The following SYT14 variants were observed in gnomAD, a reference collection of about 807,000 sequenced individuals.
SYT14 encodes the protein synaptotagmin 14.
SYT14 carries 32 observed loss-of-function variants against 74.2 expected under a neutral mutation model. The ratio of observed to expected loss-of-function variants is 0.43; its 90% confidence interval spans 0.33 to 0.58. The LOEUF is 0.58. Ranked by LOEUF, SYT14 falls within the 20% of genes least tolerant of loss-of-function variation. The probability of loss-of-function intolerance (pLI) is 0.05; values close to 1 mark genes in which losing one functional copy is unlikely to be tolerated. For missense variants in SYT14, 791 were observed against 981.8 expected (o/e 0.81, Z 2.60); for synonymous variants, 298 against 337.7 (o/e 0.88, Z 1.29).
At chr1:209,954,708 C>CTT (rs775517244) in intron 2 of SYT14, among the ~76,000 whole-genome samples, 3 of 143,082 alleles carry the variant, frequency 2.1e-5, no homozygotes, top group African/African-American at 7.7e-5. Context: ...TTCTTTCTCT[C>CTT]TTTTTTTTTT....
chr1:210,084,719 G>A (rs2081686791), intron 5 of SYT14, among the ~76,000 whole-genome samples: 2 of 152,200 alleles, frequency 1.3e-5, no homozygotes, highest in Admixed American at 6.5e-5. Flanking sequence ...AAGGAAAAGA[G>A]CATTCGTAGG....
chr1:209,972,737 G>C lies in SYT14; in HGVS notation c.-486+19981G>C, dbSNP rs570491397. 2.0e-5 allele frequency among the ~76,000 whole-genome samples: 3 copies of C among 152,098 alleles called. No homozygotes were observed. The East Asian group carries it at 5.8e-4, about 29-fold the overall frequency. ...TGGTTGGAATGATTTCAGTTTTTTT[G>C]AATTTATTGAGACTTGACTTATGGC... is the stretch of plus-strand genomic sequence containing the variant. On this transcript the variant is annotated intron_variant, in intron 2 of 9. Coordinates refer to ENST00000637265, the Ensembl canonical transcript of SYT14.
chr1:209,940,375 T>A (rs1306940975), intron 1 of SYT14, among the ~76,000 whole-genome samples: 1 of 152,122 alleles, frequency 6.6e-6, no homozygotes, highest in Non-Finnish European at 1.5e-5. Context: ...ACCTTTTTTT[T>A]TTTTGTACAA....
At chr1:210,102,757 T>C (rs1418443181) in intron 7 of SYT14, among the ~76,000 whole-genome samples, 2 of 152,088 alleles carry the variant, frequency 1.3e-5, no homozygotes, top group African/African-American at 4.8e-5. Flanking sequence ...TCATGGCTGA[T>C]TGTAGCCTGA....
intron 4 of SYT14, among the ~76,000 whole-genome samples, chr1:210,019,841 C>T (rs1169533893): frequency 6.6e-6 from 1 of 152,138 alleles, no homozygotes; most frequent in Non-Finnish European, 1.5e-5. Context: ...TTTAATAATT[C>T]TAAGAAAGTT....
intron 2 of SYT14, among the ~76,000 whole-genome samples, chr1:210,005,685 T>G (rs1376964459): frequency 6.6e-6 from 1 of 151,904 alleles, no homozygotes; most frequent in Non-Finnish European, 1.5e-5. Flanking sequence ...GTCTAAAACT[T>G]CATTAGAATC....
chr1:210,110,636 A>G (rs185803609), intron 7 of SYT14, among the ~76,000 whole-genome samples: 152 of 152,386 alleles, frequency 1.0e-3, no homozygotes, highest in Admixed American at 8.7e-3. Flanking sequence ...CCAAGGAGAC[A>G]TAGTAAAGGA....
chr1:209,975,934 G>A (rs192229075), intron 2 of SYT14, among the ~76,000 whole-genome samples: 11 of 152,256 alleles, frequency 7.2e-5, no homozygotes, highest in South Asian at 4.2e-4. Flanking sequence ...AGTCTTGGGA[G>A]GGTGTATGTG....
At chr1:209,969,409 T>C (rs112643455) in intron 2 of SYT14, among the ~76,000 whole-genome samples, 50 of 152,168 alleles carry the variant, frequency 3.3e-4, no homozygotes, top group African/African-American at 1.2e-3. Context: ...CAGCATCTGC[T>C]AATTTGTTTT....
chr1:209,996,667 C>A (rs144958176), intron 2 of SYT14, among the ~76,000 whole-genome samples: 27 of 152,134 alleles, frequency 1.8e-4, no homozygotes, highest in East Asian at 7.7e-4. Context: ...AAGAAAACTT[C>A]AGGCCAGTAT....
chr1:210,079,489 T>C (rs1420654205), intron 5 of SYT14, among the ~76,000 whole-genome samples: 1 of 152,144 alleles, frequency 6.6e-6, no homozygotes, highest in Non-Finnish European at 1.5e-5. Flanking sequence ...AGTGAAGATA[T>C]TTTTGCCATC....
At chr1:210,027,278 A>G (rs745964110) in intron 5 of SYT14, among the ~76,000 whole-genome samples, 4 of 152,160 alleles carry the variant, frequency 2.6e-5, no homozygotes, top group Middle Eastern at 3.4e-3. Context: ...AGCCGAGCCT[A>G]GTGGCCCATG....
At chr1:210,162,408 C>G (rs971161855) in exon 10 of SYT14, 1 of 397,900 alleles carries the variant, frequency 2.5e-6, no homozygotes, top group African/African-American at 2.1e-5. Flanking sequence ...AAGGCACTTT[C>G]ATTTGTTTTT....
At chr1:209,996,651 CA>C (rs1164739377) in intron 2 of SYT14, among the ~76,000 whole-genome samples, 1 of 151,748 alleles carries the variant, frequency 6.6e-6, no homozygotes, top group Non-Finnish European at 1.5e-5. Flanking sequence ...AAAGACACAA[CA>C]AAAAAAGAAA....
At chr1:210,142,976 A>G (rs2082949302) in intron 7 of SYT14, among the ~76,000 whole-genome samples, 1 of 152,238 alleles carries the variant, frequency 6.6e-6, no homozygotes, top group African/African-American at 2.4e-5. Context: ...TGAGACTTTC[A>G]GTAGATCAAT....
chr1:210,112,307 G>A (rs1230960520), intron 7 of SYT14, among the ~76,000 whole-genome samples: 4 of 151,342 alleles, frequency 2.6e-5, no homozygotes, highest in African/African-American at 9.8e-5. Context: ...CTGAGGAGGA[G>A]TGGAATAGCA....
chr1:210,094,260 G>T (rs2081928813), intron 5 of SYT14, 62 bp from the exon 5 acceptor site: 2 of 1,607,542 alleles, frequency 1.2e-6, no homozygotes, highest in Admixed American at 1.7e-5. Context: ...TACAATTATT[G>T]TAGACTATAC....
At chr1:209,939,563 A>T (rs918385406) in intron 1 of SYT14, among the ~76,000 whole-genome samples, 2 of 152,220 alleles carry the variant, frequency 1.3e-5, no homozygotes, top group African/African-American at 4.8e-5. Context: ...ATCTACCTAT[A>T]ATCTATGATG....
chr1:210,049,450 T>C (rs2080949571), intron 5 of SYT14, among the ~76,000 whole-genome samples: 1 of 151,822 alleles, frequency 6.6e-6, no homozygotes, highest in African/African-American at 2.4e-5. Flanking sequence ...TTTTAAATTA[T>C]ACTTTAAGTC....
Sources: allele counts gnomAD v4.1 joint callset (sites outside exome capture counted in the v4.1 genomes callset), GRCh38; gene constraint gnomAD v4.1.1; transcripts MANE v1.5; gene names NCBI Gene and HGNC (gene_info 2026-07-23, HGNC 2026-07-21).